The following STXBP4 variants were observed in gnomAD, a reference collection of about 807,000 sequenced individuals.
STXBP4 encodes the protein syntaxin-binding protein 4.
Under a neutral mutation model 76.1 loss-of-function variants are expected in STXBP4, and 55 were observed. That is an observed-to-expected ratio of 0.72 (90% CI 0.58 to 0.91). STXBP4 has a LOEUF of 0.91. STXBP4 is among the 40% of genes least tolerant of loss of function. The pLI, the probability that STXBP4 is intolerant of heterozygous loss-of-function variation, is 0.00. For missense variants in STXBP4, 618 were observed against 636.9 expected (o/e 0.97, Z 0.32); for synonymous variants, 201 against 220.2 (o/e 0.91, Z 0.77).
chr17:55,041,172 A>G lies in STXBP4; in HGVS notation c.856-2064A>G, dbSNP rs189326552. ...TTATTGTCACATCCCTAAAATCCCA[A>G]TCCTAGTTTCTCTTAATAAATTATT... is the stretch of plus-strand genomic sequence containing the variant. On this transcript the variant is annotated intron_variant, in intron 10 of 17. Coordinates refer to ENST00000376352, the MANE Select transcript of STXBP4 (RefSeq NM_178509.6). Among the ~76,000 whole-genome samples, 5 of 151,756 alleles carry G rather than the reference A, an allele frequency of 3.3e-5. No individual in the cohort carries two copies. In the East Asian group the frequency reaches 9.7e-4, roughly 29 times the overall value.
rs558091166 is a variant in STXBP4, at chr17:55,129,485, A to G, written c.1490-11825A>G. Among the ~76,000 whole-genome samples, 143 of 152,188 alleles carry G rather than the reference A, an allele frequency of 9.4e-4. 1 individual carries two copies. Among genetic ancestry groups the G allele is most frequent in the African/African-American group, 3.4e-3 (141 of 41,536 alleles). The stretch of plus-strand genomic sequence containing the variant: ...CACATGTCTGTTGTCCCAGCTATTC[A>G]TGAGGCTTGAGGCAGGAAGATCCCT... On this transcript the variant is annotated intron_variant, in intron 16 of 17. Transcript: ENST00000376352.
At chr17:55,098,701 A>G (rs899038357) in intron 16 of STXBP4, among the ~76,000 whole-genome samples, 1 of 152,212 alleles carries the variant, frequency 6.6e-6, no homozygotes, top group Admixed American at 6.5e-5. Flanking sequence ...TTAATTGCCT[A>G]CTATCAGAAA....
At chr17:55,090,023 C>T (rs1013792172) in intron 16 of STXBP4, among the ~76,000 whole-genome samples, 1 of 152,118 alleles carries the variant, frequency 6.6e-6, no homozygotes, top group Admixed American at 6.6e-5. Context: ...CAACCTGTTA[C>T]TCCCACTGCT....
rs2080412204 is a variant in STXBP4 at position 55,172,505 on chromosome 17, G to A, written c.*12594G>A. On this transcript the variant is annotated 3_prime_UTR_variant, in exon 18 of 18. Coordinates refer to ENST00000376352, the MANE Select transcript of STXBP4 (RefSeq NM_178509.6). Reference sequence around the variant, plus strand: ...CTGAAACTGCAAACTGAACAATGCTGCAGTCAGATACACACACATATTTCA... The same window carrying A: ...CTGAAACTGCAAACTGAACAATGCTACAGTCAGATACACACACATATTTCA... 1 of 152,176 alleles carries A rather than the reference G, an allele frequency of 6.6e-6. No homozygotes were observed. The highest frequency in any genetic ancestry group is 1.5e-5 in the Non-Finnish European group (1 of 68,030). The allele number at this position is 152,176 out of a possible 1,614,324, so 9.4% of individuals were successfully genotyped here. A position where few individuals can be genotyped will look rare whatever the true frequency, so the allele number is the denominator to read the frequency against.
At chr17:55,026,914 G>A (rs188686158) in intron 8 of STXBP4, among the ~76,000 whole-genome samples, 1 of 152,268 alleles carries the variant, frequency 6.6e-6, no homozygotes, top group Admixed American at 6.5e-5. Flanking sequence ...AAGTAGACTG[G>A]AAAGGGTGTG....
At chr17:55,000,926 TTCTC>T (rs1192962820) in intron 7 of STXBP4, 43 bp downstream of exon 7, 3 of 1,324,792 alleles carry the variant, frequency 2.3e-6, no homozygotes, top group Non-Finnish European at 3.2e-6. Context: ...TTTATTTCAA[TTCTC>T]TCTCAATGAG....
intron 16 of STXBP4, among the ~76,000 whole-genome samples, chr17:55,129,417 C>CAA (rs879656411): frequency 6.7e-6 from 1 of 149,718 alleles, no homozygotes; most frequent in Non-Finnish European, 1.5e-5. Flanking sequence ...AATCCCATGA[C>CAA]AAAAAAAAAT....
chr17:54,988,214 T>C (rs185211205), intron 3 of STXBP4, among the ~76,000 whole-genome samples: 38 of 152,294 alleles, frequency 2.5e-4, no homozygotes, highest in African/African-American at 8.7e-4. Context: ...TCAGAAAATA[T>C]ATGGATAGAT....
chr17:55,002,122 T>C (rs1440001242), intron 7 of STXBP4, among the ~76,000 whole-genome samples: 2 of 152,324 alleles, frequency 1.3e-5, no homozygotes, highest in East Asian at 1.9e-4. Context: ...TCTCTGCATG[T>C]ACTGTATTTA....
rs1275500211 is a variant in STXBP4 at position 55,159,786 on chromosome 17, T to G, written c.1548-11T>G. ...CTTTCAGATTCTAATTGCATTCTTGTTCTTCTCAAGTCATGTAACACAGAC... is the reference window on the plus strand; with the variant it reads ...CTTTCAGATTCTAATTGCATTCTTGGTCTTCTCAAGTCATGTAACACAGAC... On this transcript the variant is annotated splice_polypyrimidine_tract_variant and intron_variant, in intron 17 of 17. Coordinates refer to ENST00000376352, the MANE Select transcript of STXBP4 (RefSeq NM_178509.6). 1 of 1,561,138 alleles carries G rather than the reference T, an allele frequency of 6.4e-7. No individual in the cohort carries two copies. The highest frequency in any genetic ancestry group is 8.8e-7 in the Non-Finnish European group (1 of 1,132,780).
chr17:55,133,304 G>A (rs1006282465), intron 16 of STXBP4, among the ~76,000 whole-genome samples: 13 of 152,062 alleles, frequency 8.5e-5, no homozygotes, highest in African/African-American at 3.1e-4. Flanking sequence ...GCAACTGGAA[G>A]GATAGAAATT....
At chr17:55,205,780 G>A in the STXBP4 span, among the ~76,000 whole-genome samples, 1 of 151,794 alleles carries the variant, frequency 6.6e-6, no homozygotes, top group African/African-American at 2.4e-5. Flanking sequence ...TACTCTTGGT[G>A]GGAAGACAAA....
In STXBP4 at chr17:54,999,813, A is replaced by G; in HGVS notation, c.469A>G (p.Thr157Ala). The G allele has an allele frequency of 1.9e-6, 3 of 1,612,462 alleles. No homozygotes were observed. The highest frequency in any genetic ancestry group is 2.5e-6 in the Non-Finnish European group (3 of 1,178,918). Residue 157 changes from threonine to alanine, a missense_variant, in exon 6 of 18, where the codon ACA (threonine) becomes GCA (alanine). By Grantham distance (58) the Thr-to-Ala change is moderately conservative. Coordinates refer to ENST00000376352, the MANE Select transcript of STXBP4 (RefSeq NM_178509.6). ...LIPKTSSTPK[T>A]NNDILSSCEI... ...CCCAAAGACCTCATCCACTCCCAAA[A>G]CAAATAATGACATTTTATCTTCTTG...
At chr17:55,057,207 C>G (rs1174159455) in intron 12 of STXBP4, among the ~76,000 whole-genome samples, 1 of 152,168 alleles carries the variant, frequency 6.6e-6, no homozygotes, top group East Asian at 1.9e-4. Context: ...ATGCACCTTC[C>G]TTTTGTTTAA....
intron 8 of STXBP4, among the ~76,000 whole-genome samples, chr17:55,021,388 G>A (rs969933767): frequency 1.3e-5 from 2 of 152,126 alleles, no homozygotes; most frequent in Non-Finnish European, 2.9e-5. Context: ...GCCAGTTGTG[G>A]TGGTGGACAC....
chr17:54,996,868 A>C (rs1430726007), intron 4 of STXBP4, among the ~76,000 whole-genome samples: 1 of 152,254 alleles, frequency 6.6e-6, no homozygotes, highest in African/African-American at 2.4e-5. Context: ...AAAACTATAT[A>C]CCAAAGTCAA....
intron 1 of STXBP4, among the ~76,000 whole-genome samples, chr17:54,985,237 G>A (rs1048565851): frequency 2.0e-5 from 3 of 152,138 alleles, no homozygotes; most frequent in Non-Finnish European, 4.4e-5. Context: ...ACTGAGGCTT[G>A]GAGAAGCCCA....
intron 8 of STXBP4, among the ~76,000 whole-genome samples, chr17:55,022,696 A>G (rs1465327076): frequency 1.3e-5 from 2 of 152,206 alleles, no homozygotes; most frequent in Non-Finnish European, 2.9e-5. Flanking sequence ...CGTGAGAATT[A>G]TGGTGCTAGG....
At chr17:55,013,660 G>T (rs1457550743) in intron 8 of STXBP4, among the ~76,000 whole-genome samples, 1 of 152,218 alleles carries the variant, frequency 6.6e-6, no homozygotes, top group Non-Finnish European at 1.5e-5. Flanking sequence ...AAGAGTGCTT[G>T]GGTGGCTTGA....
Sources: gnomAD v4.1 joint callset for allele counts (sites outside exome capture counted in the v4.1 genomes callset) on GRCh38, gnomAD v4.1.1 for gene constraint, MANE v1.5 for transcripts, NCBI Gene and HGNC (gene_info 2026-07-23, HGNC 2026-07-21) for gene names.